CSPP1: variants seen among roughly 807,000 people sequenced by gnomAD.
CSPP1 encodes the protein centrosome and spindle pole associated protein 1.
A neutral mutation model predicts 164.4 loss-of-function variants in CSPP1; 126 were observed. That is an observed-to-expected ratio of 0.77 (90% CI 0.66 to 0.89). The LOEUF is 0.89. Ranked by LOEUF, CSPP1 falls within the 40% of genes least tolerant of loss-of-function variation. The pLI is 0.00. For synonymous variants in CSPP1, 472 were observed against 476.7 expected, an observed-to-expected ratio of 0.99 and a Z score of 0.13; for missense variants, 1,395 against 1,449.8, an observed-to-expected ratio of 0.96 and a Z score of 0.61.
intron 3 of CSPP1, among the ~76,000 whole-genome samples, chr8:67,082,779 A>G (rs1809477629): frequency 6.6e-6 from 1 of 152,232 alleles, no homozygotes; most frequent in African/African-American, 2.4e-5. Flanking sequence ...TAATTACTAT[A>G]GTTCTGAAGC....
intron 2 of CSPP1, chr8:67,074,776 A>G (rs1807547411): frequency 6.4e-6 from 2 of 314,086 alleles, no homozygotes; most frequent in Non-Finnish European, 1.2e-5. Flanking sequence ...TAAATTTCTT[A>G]AAATAATTGC....
rs992440172 is a variant in CSPP1 at position 67,064,838 on chromosome 8, G to A, written c.-11+300G>A. The A allele has an allele frequency of 9.4e-5, 24 of 254,584 alleles. No homozygotes were observed. In the Admixed American group the frequency reaches 1.2e-3, roughly 13 times the overall value. 15.8% of individuals were successfully genotyped at this position (254,584 alleles called of 1,614,324 possible). Reference sequence around the variant, plus strand: ...TACGAGTTATGAGGGTTGGGGGCGGGAGTTCTGTGAGCAGGGGTCTTGCAG... The same window carrying A: ...TACGAGTTATGAGGGTTGGGGGCGGAAGTTCTGTGAGCAGGGGTCTTGCAG... On this transcript the variant is annotated intron_variant, in intron 1 of 30. Coordinates refer to ENST00000678616, the MANE Select transcript of CSPP1 (RefSeq NM_001382391.1).
At chr8:67,104,667 T>TC (rs1814990746) in intron 8 of CSPP1, among the ~76,000 whole-genome samples, 1 of 151,766 alleles carries the variant, frequency 6.6e-6, no homozygotes, top group Non-Finnish European at 1.5e-5. Flanking sequence ...AGACAGAGTC[T>TC]CACTCTGTCA....
rs1827211920 is a variant in CSPP1, at chr8:67,159,072, G to C, written c.2473G>C (p.Glu825Gln). The C allele has an allele frequency of 3.1e-6, 5 of 1,612,204 alleles. No individual in the cohort carries two copies. Among genetic ancestry groups the C allele is most frequent in the Non-Finnish European group, 2.5e-6 (3 of 1,178,942 alleles). The change falls in exon 21 of 31, where the codon GAA (glutamate) becomes CAA (glutamine). Residue 825 changes from glutamate (E) to glutamine (Q), a missense_variant. Glu to Gln is a conservative substitution (Grantham distance 29, BLOSUM62 2). Transcript: ENST00000678616. ...EAERKKKEEEEKYNLQLQHYC... is the reference protein window; with the variant it reads ...EAERKKKEEEQKYNLQLQHYC... ...AGAAAGAAAGAAGAAAGAAGAAGAA[G>C]AAAAATATAACCTGCAACTTCAGCA...
At chr8:67,194,319 A>C (rs1837267414) in intron 30 of CSPP1, among the ~76,000 whole-genome samples, 1 of 152,206 alleles carries the variant, frequency 6.6e-6, no homozygotes, top group African/African-American at 2.4e-5. Flanking sequence ...ATAATCTGTT[A>C]AGATTTTTTT....
At chr8:67,137,374 A>G (rs1822552299) in intron 16 of CSPP1, 82 bp from the exon 17 acceptor site, 4 of 1,118,636 alleles carry the variant, frequency 3.6e-6, no homozygotes, top group Admixed American at 3.7e-5. Flanking sequence ...TTTCTAATAC[A>G]AAAAATAACA....
chr8:67,133,594 T>G (rs1324921783), intron 16 of CSPP1: 1 of 152,316 alleles, frequency 6.6e-6, no homozygotes, highest in Non-Finnish European at 1.5e-5. Context: ...TGATGGCTGC[T>G]GACTGATCAG....
At chr8:67,088,850 T>A (rs1811010588) in intron 4 of CSPP1, among the ~76,000 whole-genome samples, 1 of 148,458 alleles carries the variant, frequency 6.7e-6, no homozygotes, top group Non-Finnish European at 1.5e-5. Flanking sequence ...TGAGCCGAGA[T>A]CGCGCCACTG....
intron 14 of CSPP1, 30 bp downstream of exon 14, chr8:67,118,399 C>G (rs1176504562): frequency 6.2e-7 from 1 of 1,609,468 alleles, no homozygotes; most frequent in East Asian, 2.2e-5. Flanking sequence ...AGCATTTTCT[C>G]CCCGCTTGGC....
intron 24 of CSPP1, among the ~76,000 whole-genome samples, chr8:67,170,306 A>T (rs1239765511): frequency 1.3e-5 from 2 of 151,578 alleles, no homozygotes; most frequent in Non-Finnish European, 2.9e-5. Context: ...AAAAAAAAAA[A>T]ATTAGCCGAG....
chr8:67,188,289 C>T (rs1257868879), intron 28 of CSPP1, among the ~76,000 whole-genome samples: 1 of 152,188 alleles, frequency 6.6e-6, no homozygotes, highest in Admixed American at 6.5e-5. Flanking sequence ...ACAGGACTAG[C>T]TGGATTTCAA....
intron 29 of CSPP1, among the ~76,000 whole-genome samples, chr8:67,193,030 A>G (rs1247199889): frequency 6.6e-6 from 1 of 152,220 alleles, no homozygotes; most frequent in Non-Finnish European, 1.5e-5. Flanking sequence ...GGATAAGCAT[A>G]GGAGCCATAA....
At chr8:67,083,548 A>AATATATATATATATATAT (rs55758408) in intron 3 of CSPP1, 2 of 91,496 alleles carry the variant, frequency 2.2e-5, no homozygotes, top group African/African-American at 8.9e-5. Context: ...AAAAAAAAAA[A>AATATATATATATATATAT]ATATATATAT....
chr8:67,081,359 AT>A (rs11388400), intron 3 of CSPP1, among the ~76,000 whole-genome samples: 28 of 150,648 alleles, frequency 1.9e-4, no homozygotes, highest in South Asian at 2.1e-4. Flanking sequence ...AAAGGATTCA[AT>A]TTTTTTTTTC....
At chr8:67,094,684 C>G (rs747859594) in intron 6 of CSPP1, among the ~76,000 whole-genome samples, 4 of 152,058 alleles carry the variant, frequency 2.6e-5, no homozygotes, top group Non-Finnish European at 5.9e-5. Context: ...TGGCCTCCAC[C>G]TAGAATTTTT....
intron 21 of CSPP1, among the ~76,000 whole-genome samples, chr8:67,159,828 CTCTTTCTTTCTT>C (rs1268807930): frequency 1.5e-5 from 2 of 134,162 alleles, no homozygotes; most frequent in East Asian, 4.1e-4. Context: ...GGCCTTCTCT[CTCTTTCTTTCTT>C]TCTTTCTTTC....
chr8:67,172,728 G>A, intron 25 of CSPP1, 173 bp downstream of exon 25: 1 of 554,334 alleles, frequency 1.8e-6, no homozygotes, highest in Non-Finnish European at 3.1e-6. Flanking sequence ...AACCAGTCTG[G>A]TAGATGAAGC....
At chr8:67,175,507 C>G in intron 26 of CSPP1, 71 bp downstream of exon 26, 30 of 1,558,438 alleles carry the variant, frequency 1.9e-5, no homozygotes, top group Non-Finnish European at 2.6e-5. Context: ...TGCATCTCTT[C>G]TATTGATTTC....
rs1827719149 is a variant in CSPP1, at chr8:67,159,924, CCT to C, written c.2538+788_2538+789del. ...TCTTTCTTTCTTTCTTTCTTTCTTT[CCT>C]TTCCTTCCTTCCTTCCTTCCTTCCT... On this transcript the variant is annotated intron_variant, in intron 21 of 30. Coordinates refer to ENST00000678616, the MANE Select transcript of CSPP1 (RefSeq NM_001382391.1). 7.9e-4 allele frequency among the ~76,000 whole-genome samples: 36 copies of C among 45,602 alleles called. 2 individuals carry two copies. The highest frequency in any genetic ancestry group is 2.8e-3 in the Admixed American group (11 of 3,970). 29.9% of individuals were successfully genotyped at this position (45,602 alleles called of 152,430 possible).
Sources: allele counts gnomAD v4.1 joint callset (sites outside exome capture counted in the v4.1 genomes callset), GRCh38; gene constraint gnomAD v4.1.1; transcripts MANE v1.5; gene names NCBI Gene and HGNC (gene_info 2026-07-23, HGNC 2026-07-21).